The following DOCK1 variants were observed in gnomAD, a reference collection of about 807,000 sequenced individuals.
DOCK1 encodes dedicator of cytokinesis protein 1.
DOCK1 carries 138 observed loss-of-function variants against 262.7 expected under a neutral mutation model. The ratio of observed to expected loss-of-function variants is 0.53; its 90% CI spans 0.46 to 0.61. DOCK1 has a LOEUF of 0.61. Among genes scored for constraint, DOCK1 ranks in the 20% least tolerant of loss-of-function variants. The pLI, the probability that DOCK1 is intolerant of heterozygous loss-of-function variation, is 0.00. For synonymous variants in DOCK1, 866 were observed against 867.4 expected (o/e 1.00, Z 0.03); for missense variants, 1,908 against 2,370.7 (o/e 0.80, Z 4.05).
At chr10:127,248,156 G>A (rs1590111000) in intron 28 of DOCK1, 47 bp downstream of exon 28, 4 of 1,508,338 alleles carry the variant, frequency 2.7e-6, no homozygotes, top group Non-Finnish European at 3.7e-6. Context: ...TTTAGGGCCA[G>A]CACTTTAGAC....
At chr10:127,044,447 C>T (rs147850722) in intron 21 of DOCK1, among the ~76,000 whole-genome samples, 2 of 152,148 alleles carry the variant, frequency 1.3e-5, no homozygotes, top group Admixed American at 6.6e-5. Flanking sequence ...ACATTTTGTT[C>T]GCTGAGTGGA....
At chr10:127,062,977 A>T (rs780288257) in intron 23 of DOCK1, among the ~76,000 whole-genome samples, 11 of 152,054 alleles carry the variant, frequency 7.2e-5, no homozygotes, top group Non-Finnish European at 1.6e-4. Context: ...GTTCTTTAGG[A>T]TGCTCACTGG....
rs140594458 is a variant in DOCK1 at position 126,990,887 on chromosome 10, C to A, written c.473+284C>A. 1.7e-3 allele frequency among the ~76,000 whole-genome samples: 265 copies of A among 152,288 alleles called. 4 individuals carry two copies. The South Asian group carries it at 0.031, about 18-fold the overall frequency. On this transcript the variant is annotated intron_variant, in intron 6 of 51. Transcript: ENST00000623213. ...TTCTGGAGGGAACCCCATCATTACT[C>A]CCCTAGCAAGGAACTTTTACTTTCT...
intron 16 of DOCK1, among the ~76,000 whole-genome samples, chr10:127,029,281 C>T (rs1361100104): frequency 6.6e-6 from 1 of 152,178 alleles, no homozygotes; most frequent in East Asian, 1.9e-4. Flanking sequence ...CCCAGCCAGC[C>T]CTGCATGCAG....
At chr10:127,423,301 A>C (rs2068618090) in intron 46 of DOCK1, among the ~76,000 whole-genome samples, 1 of 152,182 alleles carries the variant, frequency 6.6e-6, no homozygotes, top group African/African-American at 2.4e-5. Flanking sequence ...TCATGTGCAG[A>C]GTTTTCATCA....
At position 127,012,376 on chromosome 10, in the gene DOCK1, T is replaced by C; in HGVS notation, c.1201+2T>C. On this transcript the variant is annotated splice_donor_variant, in intron 12 of 51. Transcript: ENST00000623213. LOFTEE classifies it high-confidence loss of function. The surrounding 1 kb of genome is among the most constrained non-coding windows in gnomAD (Gnocchi z 4.0). ...AAGAAGTCAACCACAAGGGGCAGGGTACGTATTTTCCTATTTTGTTTCTAT... is the reference window on the plus strand; with the variant it reads ...AAGAAGTCAACCACAAGGGGCAGGGCACGTATTTTCCTATTTTGTTTCTAT... 3 of 1,613,762 alleles carry C rather than the reference T, an allele frequency of 1.9e-6. No homozygotes were observed. Among genetic ancestry groups the C allele is most frequent in the Non-Finnish European group, 2.5e-6 (3 of 1,179,732 alleles).
In DOCK1 at chr10:127,157,652, C is replaced by A. The variant is rs1386667242; in HGVS notation, c.2847+29888C>A. On this transcript the variant is annotated intron_variant, in intron 27 of 51. Transcript: ENST00000623213. ...CATTGTGTTTTCTTTGGAGACATAT[C>A]TGTGGTCATTCTTTTTTTAGCTAGT... Among the ~76,000 whole-genome samples, 5 of 152,310 alleles carry A rather than the reference C, an allele frequency of 3.3e-5. No homozygotes were observed. The East Asian group carries it at 9.6e-4, about 29-fold the overall frequency.
chr10:126,977,535 G>A (rs879344380), intron 2 of DOCK1, among the ~76,000 whole-genome samples: 1 of 152,150 alleles, frequency 6.6e-6, no homozygotes, highest in Non-Finnish European at 1.5e-5. Flanking sequence ...TTGGGGCAGC[G>A]AGATGCTGAC....
Position 127,185,491 on chromosome 10 carries a change from A to C in DOCK1, c.2847+57727A>C, listed in dbSNP as rs926240397. Reference sequence around the variant, plus strand: ...CAGTGAGCCGAGATTGCACCACTGCACTCCAGCAAGAGAATCTTAACACTA... The same window carrying C: ...CAGTGAGCCGAGATTGCACCACTGCCCTCCAGCAAGAGAATCTTAACACTA... On this transcript the variant is annotated intron_variant, in intron 27 of 51. Coordinates refer to ENST00000623213, the MANE Select transcript of DOCK1 (RefSeq NM_001290223.2). Among the ~76,000 whole-genome samples, 3 of 152,180 alleles carry C rather than the reference A, an allele frequency of 2.0e-5. No homozygotes were observed. The South Asian group carries it at 6.2e-4, about 32-fold the overall frequency.
chr10:127,240,300 C>G (rs2059220924), intron 27 of DOCK1, among the ~76,000 whole-genome samples: 1 of 147,756 alleles, frequency 6.8e-6, no homozygotes, highest in Admixed American at 6.7e-5. Flanking sequence ...ACATTCCTCA[C>G]TCTAAAGTTC....
chr10:126,955,065 A>G (rs923063472), intron 1 of DOCK1, among the ~76,000 whole-genome samples: 5 of 152,212 alleles, frequency 3.3e-5, no homozygotes. Flanking sequence ...CCTTACCAAC[A>G]TTTGTTATTT....
chr10:127,388,726 G>A (rs938230636), intron 38 of DOCK1, among the ~76,000 whole-genome samples: 1 of 152,176 alleles, frequency 6.6e-6, no homozygotes, highest in Non-Finnish European at 1.5e-5. Flanking sequence ...CCGCCCTGGG[G>A]CTTCTGCCCC....
At chr10:126,985,989 C>T (rs1319519804) in intron 4 of DOCK1, among the ~76,000 whole-genome samples, 3 of 152,006 alleles carry the variant, frequency 2.0e-5, no homozygotes, top group African/African-American at 7.2e-5. Context: ...GGATTACAGG[C>T]CCGCACCACC....
At chr10:127,049,895 G>T (rs57988715) in intron 21 of DOCK1, among the ~76,000 whole-genome samples, 2,735 of 148,604 alleles carry the variant, frequency 0.018, 81 homozygotes, top group African/African-American at 0.064. Flanking sequence ...ATAAAATACA[G>T]AACAGATTCA....
chr10:126,981,259 G>GCT (rs1200775581), intron 3 of DOCK1, among the ~76,000 whole-genome samples: 1 of 152,144 alleles, frequency 6.6e-6, no homozygotes, highest in Non-Finnish European at 1.5e-5. Flanking sequence ...TCTTGATAAA[G>GCT]CTCTTTCTGG....
At chr10:126,978,631 G>T (rs1453770433) in intron 3 of DOCK1, among the ~76,000 whole-genome samples, 2 of 152,122 alleles carry the variant, frequency 1.3e-5, no homozygotes, top group African/African-American at 4.8e-5. Flanking sequence ...TTAAGATTTT[G>T]AAGTAACCTC....
chr10:127,179,371 T>TA (rs991061161), intron 27 of DOCK1, among the ~76,000 whole-genome samples: 7 of 152,180 alleles, frequency 4.6e-5, no homozygotes, highest in Admixed American at 2.0e-4. Context: ...TCGTTGTTAG[T>TA]AAAAAAATGA....
At chr10:127,120,629 A>G (rs1242376247) in intron 25 of DOCK1, among the ~76,000 whole-genome samples, 2 of 152,232 alleles carry the variant, frequency 1.3e-5, no homozygotes, top group Non-Finnish European at 2.9e-5. Context: ...ATCATTGAAT[A>G]TAATTTACCT....
chr10:127,412,908 C>T (rs2067945036), intron 43 of DOCK1, among the ~76,000 whole-genome samples: 1 of 152,152 alleles, frequency 6.6e-6, no homozygotes, highest in African/African-American at 2.4e-5. Flanking sequence ...TTATGTTCAC[C>T]CTATTTGTTG....
Sources: allele counts gnomAD v4.1 joint callset (sites outside exome capture counted in the v4.1 genomes callset), GRCh38; gene constraint gnomAD v4.1.1; non-coding constraint Gnocchi (gnomAD v3.1); transcripts MANE v1.5; gene names NCBI Gene and HGNC (gene_info 2026-07-23, HGNC 2026-07-21).